Variants in AGMO observed in about 807,000 individuals in gnomAD.
AGMO encodes the protein alkylglycerol monooxygenase.
In AGMO, 75 loss-of-function variants were observed where a neutral mutation model predicts 60.2. That is an observed-to-expected ratio of 1.25 (90% CI 1.03 to 1.51). The LOEUF is 1.51. Ranked by LOEUF, AGMO falls within the 40% of genes most tolerant of loss-of-function variation. The pLI is 0.00. For missense variants in AGMO, 763 were observed against 525.5 expected (o/e 1.45, Z -4.42); for synonymous variants, 261 against 177.1 (o/e 1.47, Z -3.76).
intron 10 of AGMO, among the ~76,000 whole-genome samples, chr7:15,379,723 G>C (rs1783600315): frequency 6.6e-6 from 1 of 151,960 alleles, no homozygotes; most frequent in East Asian, 1.9e-4. Context: ...AAAAACTTCA[G>C]GCCAATATCC....
intron 3 of AGMO, among the ~76,000 whole-genome samples, chr7:15,484,819 G>A (rs900296424): frequency 9.9e-5 from 15 of 152,080 alleles, no homozygotes; most frequent in Admixed American, 9.8e-4. Flanking sequence ...CTCAGAGGAG[G>A]AGGAAAGAAA....
At chr7:15,289,098 AT>A (rs1784183770) in intron 12 of AGMO, among the ~76,000 whole-genome samples, 1 of 151,756 alleles carries the variant, frequency 6.6e-6, no homozygotes, top group South Asian at 2.1e-4. Flanking sequence ...TGGCAGAGCT[AT>A]TTCTTTCTTC....
At chr7:15,552,813 A>C (rs1189050727) in intron 2 of AGMO, among the ~76,000 whole-genome samples, 1 of 149,708 alleles carries the variant, frequency 6.7e-6, no homozygotes, top group South Asian at 2.1e-4. Flanking sequence ...CAGCCATCCC[A>C]TTACTGGGTA....
chr7:15,544,798 T>C lies in AGMO; in HGVS notation c.383A>G (p.Tyr128Cys), dbSNP rs765170503. 3 of 1,606,322 alleles carry C rather than the reference T, an allele frequency of 1.9e-6. No homozygotes were observed. Among genetic ancestry groups the C allele is most frequent in the Admixed American group, 1.7e-5 (1 of 58,666 alleles). Reference sequence around the variant, plus strand: ...ATGAGCCATACGATGGAACCAGTAGTAGCCAAAGTCAACTCCTAAGAAGGC... The same window carrying C: ...ATGAGCCATACGATGGAACCAGTAGCAGCCAAAGTCAACTCCTAAGAAGGC... ...YSAFLGVDFGYYWFHRMAHEV... is the reference protein window; with the variant it reads ...YSAFLGVDFGCYWFHRMAHEV... The change falls in exon 3 of 13, where the codon TAC (tyrosine) becomes TGC (cysteine). Residue 128 changes from tyrosine (Y) to cysteine (C), a missense_variant. Transcript: ENST00000342526.
chr7:15,497,511 T>C (rs1241107189), intron 3 of AGMO, among the ~76,000 whole-genome samples: 1 of 152,100 alleles, frequency 6.6e-6, no homozygotes. Flanking sequence ...ACACTGGCTT[T>C]GAGAAGTGAA....
At chr7:15,469,721 T>C (rs1227874623) in intron 3 of AGMO, among the ~76,000 whole-genome samples, 1 of 152,054 alleles carries the variant, frequency 6.6e-6, no homozygotes, top group African/African-American at 2.4e-5. Flanking sequence ...GAGATGGTGA[T>C]GATATTAAAG....
In AGMO at chr7:15,457,445, T is replaced by A. The variant is rs185034326; in HGVS notation, c.410-26337A>T. Among the ~76,000 whole-genome samples the A allele has an allele frequency of 3.3e-5, 5 of 152,342 alleles. No homozygotes were observed. The East Asian group carries it at 9.6e-4, about 29-fold the overall frequency. ...CTAACAACATCCAGTAGATTTGTTC[T>A]GTGCAATACATTCTTAGAAACCCTA... is the stretch of plus-strand genomic sequence containing the variant. On this transcript the variant is annotated intron_variant, in intron 3 of 12. Coordinates refer to ENST00000342526, the MANE Select transcript of AGMO (RefSeq NM_001004320.2).
chr7:15,384,915 A>C (rs1254849122), intron 10 of AGMO, among the ~76,000 whole-genome samples: 6 of 151,442 alleles, frequency 4.0e-5, no homozygotes, highest in Non-Finnish European at 8.8e-5. Context: ...TTGTGGCCAA[A>C]AAAAAATGAT....
intron 12 of AGMO, among the ~76,000 whole-genome samples, chr7:15,217,300 A>T (rs1384902273): frequency 6.6e-6 from 1 of 152,118 alleles, no homozygotes; most frequent in African/African-American, 2.4e-5. Flanking sequence ...GACAATCTCA[A>T]CTGAGGAGGA....
At chr7:15,295,760 A>G (rs1183543863) in intron 12 of AGMO, among the ~76,000 whole-genome samples, 4 of 152,124 alleles carry the variant, frequency 2.6e-5, no homozygotes, top group Non-Finnish European at 2.9e-5. Flanking sequence ...AGGAATTCCA[A>G]TTCTAGAAAC....
In AGMO at chr7:15,530,464, T is replaced by C. The variant is rs377195908; in HGVS notation, c.409+14308A>G. ...TATTCTATATACGTATTTCTATATATATATTCTATATACGTATTTCTATAT... is the reference window on the plus strand; with the variant it reads ...TATTCTATATACGTATTTCTATATACATATTCTATATACGTATTTCTATAT... On this transcript the variant is annotated intron_variant, in intron 3 of 12. Coordinates refer to ENST00000342526, the MANE Select transcript of AGMO (RefSeq NM_001004320.2). Among the ~76,000 whole-genome samples the C allele has an allele frequency of 1.5e-4, 18 of 120,322 alleles. No individual in the cohort carries two copies. The South Asian group carries it at 4.1e-3, about 27-fold the overall frequency. 78.9% of individuals were successfully genotyped at this position (120,322 alleles called of 152,430 possible).
At chr7:15,164,021 A>G in the AGMO span, among the ~76,000 whole-genome samples, 1 of 152,138 alleles carries the variant, frequency 6.6e-6, no homozygotes, top group African/African-American at 2.4e-5. Flanking sequence ...TGATAAGCAA[A>G]ACAGCATGGT....
At chr7:15,544,327 T>G (rs1300552217) in intron 3 of AGMO, among the ~76,000 whole-genome samples, 1 of 151,980 alleles carries the variant, frequency 6.6e-6, no homozygotes, top group Non-Finnish European at 1.5e-5. Flanking sequence ...AAGAACTTAT[T>G]CATGTAACCA....
chr7:15,138,434 A>G, the AGMO span, among the ~76,000 whole-genome samples: 1 of 152,202 alleles, frequency 6.6e-6, no homozygotes, highest in Non-Finnish European at 1.5e-5. Context: ...TAATCCCGAC[A>G]TCCTAAATAT....
At chr7:15,305,046 T>C (rs1353628356) in intron 12 of AGMO, among the ~76,000 whole-genome samples, 1 of 151,868 alleles carries the variant, frequency 6.6e-6, no homozygotes, top group Non-Finnish European at 1.5e-5. Context: ...TAAGAATATA[T>C]AGTTATATTT....
chr7:15,237,123 T>G (rs557606784), intron 12 of AGMO, among the ~76,000 whole-genome samples: 22 of 145,722 alleles, frequency 1.5e-4, no homozygotes, highest in African/African-American at 6.2e-4. Context: ...CTAAAGATTA[T>G]TTTGCTGTGC....
At chr7:15,300,587 A>C (rs1784537551) in intron 12 of AGMO, among the ~76,000 whole-genome samples, 1 of 152,206 alleles carries the variant, frequency 6.6e-6, no homozygotes, top group Non-Finnish European at 1.5e-5. Context: ...TTCAAAAGAA[A>C]GCAGCAATTT....
intron 10 of AGMO, among the ~76,000 whole-genome samples, chr7:15,376,639 T>G (rs1290395665): frequency 1.3e-5 from 2 of 152,072 alleles, no homozygotes; most frequent in African/African-American, 4.8e-5. Context: ...ATTCAAACTG[T>G]TTTTTGTGTG....
chr7:15,237,924 C>T (rs549393836), intron 12 of AGMO, among the ~76,000 whole-genome samples: 3 of 152,160 alleles, frequency 2.0e-5, no homozygotes, highest in Admixed American at 1.3e-4. Flanking sequence ...CTCAGAGATC[C>T]GTACCTCAGG....
Sources: gnomAD v4.1 joint callset for allele counts (sites outside exome capture counted in the v4.1 genomes callset) on GRCh38, gnomAD v4.1.1 for gene constraint, MANE v1.5 for transcripts, NCBI Gene and HGNC (gene_info 2026-07-23, HGNC 2026-07-21) for gene names.